Variants in RTN1 observed in about 807,000 individuals in gnomAD.
RTN1 encodes the protein reticulon 1.
A neutral mutation model predicts 65.5 loss-of-function variants in RTN1; 25 were observed. The ratio of observed to expected loss-of-function variants is 0.38; its 90% CI spans 0.28 to 0.53. RTN1 has a LOEUF of 0.53. Among genes scored for constraint, RTN1 ranks in the 20% least tolerant of loss-of-function variants. The pLI is 0.79. For missense variants in RTN1, 983 were observed against 1,025.4 expected (o/e 0.96, Z 0.57); for synonymous variants, 471 against 447.6 (o/e 1.05, Z -0.66).
At chr14:59,860,366 A>T (rs1206135215) in intron 1 of RTN1, among the ~76,000 whole-genome samples, 1 of 152,186 alleles carries the variant, frequency 6.6e-6, no homozygotes, top group Admixed American at 6.5e-5. Flanking sequence ...TCAAGAATTG[A>T]GGTTTGGGAA....
At chr14:59,776,191 T>C (rs1472484936) in intron 1 of RTN1, among the ~76,000 whole-genome samples, 1 of 152,120 alleles carries the variant, frequency 6.6e-6, no homozygotes, top group Non-Finnish European at 1.5e-5. Flanking sequence ...GCCTTGAATG[T>C]GTCCCCCAAA....
chr14:59,767,426 G>A (rs114846618), intron 1 of RTN1, among the ~76,000 whole-genome samples: 311 of 152,256 alleles, frequency 2.0e-3, no homozygotes, highest in African/African-American at 7.1e-3. Context: ...ATGATCTCCT[G>A]GTACAGACAC....
chr14:59,627,282 C>T (rs1047251221), intron 3 of RTN1, among the ~76,000 whole-genome samples: 2 of 152,162 alleles, frequency 1.3e-5, no homozygotes, highest in Non-Finnish European at 2.9e-5. Flanking sequence ...TCAACCTCAG[C>T]GGCAGAAGGT....
intron 3 of RTN1, among the ~76,000 whole-genome samples, chr14:59,722,065 C>T (rs1884659600): frequency 6.6e-6 from 1 of 152,042 alleles, no homozygotes; most frequent in African/African-American, 2.4e-5. Flanking sequence ...TATTTTTGCC[C>T]ACCTGCTATA....
chr14:59,705,473 A>G (rs952007350), intron 3 of RTN1, among the ~76,000 whole-genome samples: 10 of 152,236 alleles, frequency 6.6e-5, no homozygotes, highest in African/African-American at 2.4e-4. Context: ...TATTAAAGCA[A>G]TGATTCTTTT....
chr14:59,854,343 T>G (rs992546572), intron 1 of RTN1, among the ~76,000 whole-genome samples: 1 of 151,946 alleles, frequency 6.6e-6, no homozygotes, highest in African/African-American at 2.4e-5. Flanking sequence ...ACTGCACAGA[T>G]CATAAAATAG....
intron 2 of RTN1, among the ~76,000 whole-genome samples, chr14:59,732,248 C>A (rs1884913953): frequency 6.6e-6 from 1 of 152,142 alleles, no homozygotes; most frequent in South Asian, 2.1e-4. Context: ...TGGAAGCAGG[C>A]CCCTGGTCAT....
At chr14:59,785,156 T>C (rs1338290614) in intron 1 of RTN1, among the ~76,000 whole-genome samples, 1 of 152,184 alleles carries the variant, frequency 6.6e-6, no homozygotes. Flanking sequence ...CTGGCTTGTG[T>C]TCCAAAAGGC....
intron 1 of RTN1, among the ~76,000 whole-genome samples, chr14:59,843,977 G>C (rs1318382576): frequency 6.6e-6 from 1 of 152,156 alleles, no homozygotes; most frequent in Admixed American, 6.5e-5. Context: ...ATTTGTATTT[G>C]TCCTTAATTT....
rs1886816679 is a variant in RTN1 at position 59,816,171 on chromosome 14, A to G, written c.241+54219T>C. Among the ~76,000 whole-genome samples the G allele has an allele frequency of 6.6e-6, 1 of 152,168 alleles. No individual in the cohort carries two copies. The highest frequency in any genetic ancestry group is 2.1e-4 in the South Asian group (1 of 4,828). On this transcript the variant is annotated intron_variant, in intron 1 of 8. Coordinates refer to ENST00000267484, the MANE Select transcript of RTN1 (RefSeq NM_021136.3). The surrounding 1 kb of genome is among the most constrained non-coding windows in gnomAD (Gnocchi z 4.3). ...TATAATTATCTTTACTGCTACATGC[A>G]TACTTTTAGAGACTAAAGTATGCAC... is the stretch of plus-strand genomic sequence containing the variant.
intron 1 of RTN1, among the ~76,000 whole-genome samples, chr14:59,822,825 G>A (rs1169832650): frequency 6.7e-6 from 1 of 150,032 alleles, no homozygotes; most frequent in Non-Finnish European, 1.5e-5. Context: ...GAGTGATCTT[G>A]GTATTTCTAT....
intron 3 of RTN1, among the ~76,000 whole-genome samples, chr14:59,703,204 CAT>C (rs1020667101): frequency 2.0e-5 from 3 of 152,096 alleles, no homozygotes; most frequent in Non-Finnish European, 4.4e-5. Flanking sequence ...ATATAATTTG[CAT>C]ATATATTATA....
chr14:59,768,116 T>C (rs1274526258), intron 1 of RTN1, among the ~76,000 whole-genome samples: 4 of 152,348 alleles, frequency 2.6e-5, no homozygotes, highest in Admixed American at 6.5e-5. Context: ...ATGTCTACTT[T>C]AGAATTTCCA....
intron 1 of RTN1, among the ~76,000 whole-genome samples, chr14:59,770,090 C>T (rs549326582): frequency 6.6e-6 from 1 of 152,002 alleles, no homozygotes; most frequent in South Asian, 2.1e-4. Flanking sequence ...GAACATAGAA[C>T]TTAGGGGCCA....
At chr14:59,851,347 C>A (rs975193851) in intron 1 of RTN1, among the ~76,000 whole-genome samples, 1 of 152,096 alleles carries the variant, frequency 6.6e-6, no homozygotes, top group African/African-American at 2.4e-5. Context: ...TTAAAGACTC[C>A]TTTTAGAAAC....
At chr14:59,842,884 T>C (rs1887338913) in intron 1 of RTN1, among the ~76,000 whole-genome samples, 2 of 152,138 alleles carry the variant, frequency 1.3e-5, no homozygotes, top group Non-Finnish European at 1.5e-5. Flanking sequence ...GTACTGTAAA[T>C]AAGAATGCAA....
At chr14:59,838,159 T>C (rs1013138186) in intron 1 of RTN1, among the ~76,000 whole-genome samples, 4 of 152,224 alleles carry the variant, frequency 2.6e-5, no homozygotes, top group Non-Finnish European at 5.9e-5. Context: ...TGTCCATGTA[T>C]ACCCAATGGT....
Position 59,846,394 on chromosome 14 carries a change from A to C in RTN1, c.241+23996T>G, listed in dbSNP as rs1234479543. On this transcript the variant is annotated intron_variant, in intron 1 of 8. Coordinates refer to ENST00000267484, the MANE Select transcript of RTN1 (RefSeq NM_021136.3). The surrounding 1 kb of genome is among the most constrained non-coding windows in gnomAD (Gnocchi z 4.8). ...ATATCTGTGCAGCCACAGCCCATGG[A>C]TCAGAGTTGATGTATGCACACGTGT... 9.2e-5 allele frequency among the ~76,000 whole-genome samples: 14 copies of C among 152,048 alleles called. No homozygotes were observed. Among genetic ancestry groups the C allele is most frequent in the Non-Finnish European group, 2.1e-4 (14 of 68,004 alleles).
chr14:59,708,348 T>G (rs1203479408), intron 3 of RTN1, among the ~76,000 whole-genome samples: 1 of 152,256 alleles, frequency 6.6e-6, no homozygotes. Flanking sequence ...AGATTTGTTT[T>G]TCTCCTTTCC....
Sources: allele counts gnomAD v4.1 joint callset (sites outside exome capture counted in the v4.1 genomes callset), GRCh38; gene constraint gnomAD v4.1.1; non-coding constraint Gnocchi (gnomAD v3.1); transcripts MANE v1.5; gene names NCBI Gene and HGNC (gene_info 2026-07-23, HGNC 2026-07-21).